FOXO1: variants seen among roughly 807,000 people sequenced by gnomAD.
FOXO1 encodes the protein forkhead box O1.
FOXO1 carries 6 observed loss-of-function variants against 44.1 expected under a neutral mutation model. The observed-to-expected ratio is 0.14, with a 90% CI of 0.07 to 0.27. FOXO1 has a LOEUF of 0.27. FOXO1 is among the 10% of genes least tolerant of loss of function. The pLI, the probability that FOXO1 is intolerant of heterozygous loss-of-function variation, is 1.00. For synonymous variants in FOXO1, 380 were observed against 362.7 expected (o/e 1.05, Z -0.54); for missense variants, 737 against 888.8 (o/e 0.83, Z 2.17).
In FOXO1 at chr13:40,602,721, T is replaced by C. The variant is rs550101528; in HGVS notation, c.631-41861A>G. ...GATGGCATGATTTACAAAACCCTGA[T>C]ACAGCACCTTTCAACACTACCTGCC... On this transcript the variant is annotated intron_variant, in intron 1 of 2. Transcript: ENST00000379561. Among the ~76,000 whole-genome samples the C allele has an allele frequency of 9.2e-5, 14 of 152,326 alleles. 1 individual carries two copies. The highest frequency in any genetic ancestry group is 2.1e-4 in the Non-Finnish European group (14 of 68,018).
At chr13:40,611,989 GT>G (rs1876250147) in intron 1 of FOXO1, among the ~76,000 whole-genome samples, 1 of 152,044 alleles carries the variant, frequency 6.6e-6, no homozygotes, top group Non-Finnish European at 1.5e-5. Context: ...TGGGAGGTTT[GT>G]TTGAGCCCAG....
chr13:40,655,637 C>CT (rs774180443), intron 1 of FOXO1, among the ~76,000 whole-genome samples: 1,341 of 101,268 alleles, frequency 0.013, 25 homozygotes, highest in Non-Finnish European at 0.017. Flanking sequence ...TTCTACACTT[C>CT]TTTTTTTTTT....
intron 1 of FOXO1, among the ~76,000 whole-genome samples, chr13:40,571,190 G>A (rs552844387): frequency 2.1e-4 from 32 of 151,790 alleles, no homozygotes; most frequent in Middle Eastern, 3.4e-3. Flanking sequence ...ATCTGTAGGC[G>A]GAAGGGGAAC....
Position 40,665,919 on chromosome 13 carries a change from G to GGCCGCC in FOXO1, c.288_293dup (p.Ala101_Ala102dup), listed in dbSNP as rs1241395005. 2.3e-5 allele frequency: 28 copies of GGCCGCC among 1,198,778 alleles called. No homozygotes were observed. Among genetic ancestry groups the GGCCGCC allele is most frequent in the African/African-American group, 3.2e-5 (2 of 62,468 alleles). 74.3% of individuals were successfully genotyped at this position (1,198,778 alleles called of 1,614,324 possible). On this transcript the variant is annotated inframe_insertion, in exon 1 of 3. Transcript: ENST00000379561. ...ACAGCCCCCCGGTGGCGGCCGCGGC[G>GGCCGCC]GCCGCCGCCGCCACCGCCGCCGCCA...
At chr13:40,611,944 C>CAT (rs1341801189) in intron 1 of FOXO1, among the ~76,000 whole-genome samples, 2 of 151,982 alleles carry the variant, frequency 1.3e-5, no homozygotes, top group Non-Finnish European at 2.9e-5. Flanking sequence ...TGTGGTGGTG[C>CAT]ATGCCTTTAG....
At chr13:40,621,626 A>G (rs1423235656) in intron 1 of FOXO1, among the ~76,000 whole-genome samples, 2 of 152,212 alleles carry the variant, frequency 1.3e-5, no homozygotes, top group African/African-American at 4.8e-5. Flanking sequence ...TTCTCATGCT[A>G]AGCACTTTTG....
In FOXO1 at chr13:40,654,341, A is replaced by G. The variant is rs1243989287; in HGVS notation, c.630+11242T>C. On this transcript the variant is annotated intron_variant, in intron 1 of 2. Transcript: ENST00000379561. ...AAATACTAAAAAAAAAAAAAAAAAA[A>G]AAAAAAAAAAATTAGCCAGGCGTGG... Among the ~76,000 whole-genome samples the G allele has an allele frequency of 5.1e-4, 74 of 146,252 alleles. 3 individuals carry two copies. Among genetic ancestry groups the G allele is most frequent in the African/African-American group, 1.8e-3 (70 of 39,682 alleles).
chr13:40,648,767 T>A (rs1018032021), intron 1 of FOXO1, among the ~76,000 whole-genome samples: 1 of 152,228 alleles, frequency 6.6e-6, no homozygotes, highest in Non-Finnish European at 1.5e-5. Flanking sequence ...ATACTATTAA[T>A]ATATTTATAG....
intron 1 of FOXO1, among the ~76,000 whole-genome samples, chr13:40,630,246 A>C (rs982699349): frequency 6.6e-6 from 1 of 152,176 alleles, no homozygotes; most frequent in African/African-American, 2.4e-5. Context: ...TTATACAGAA[A>C]ATCTCGGTGT....
At chr13:40,609,434 T>A (rs868144347) in intron 1 of FOXO1, among the ~76,000 whole-genome samples, 4 of 152,172 alleles carry the variant, frequency 2.6e-5, no homozygotes, top group Non-Finnish European at 5.9e-5. Flanking sequence ...GAATTATGCA[T>A]GAGTATTTGT....
intron 1 of FOXO1, among the ~76,000 whole-genome samples, chr13:40,643,712 A>G (rs7317254): frequency 0.41 from 62,703 of 151,862 alleles, 14,174 homozygotes; most frequent in East Asian, 0.73. Flanking sequence ...AATATTCCAT[A>G]TAATCCTAAT....
intron 1 of FOXO1, among the ~76,000 whole-genome samples, chr13:40,660,364 G>C (rs544647127): frequency 1.3e-5 from 2 of 152,170 alleles, no homozygotes; most frequent in African/African-American, 4.8e-5. Context: ...CAAAAAAATG[G>C]CTGGGTAAAT....
chr13:40,594,545 C>T (rs1487666530), intron 1 of FOXO1, among the ~76,000 whole-genome samples: 36 of 152,170 alleles, frequency 2.4e-4, no homozygotes, highest in Admixed American at 1.9e-3. Context: ...AACGTTCAAC[C>T]TGCCACAGTG....
chr13:40,606,692 G>A (rs1876012830), intron 1 of FOXO1, among the ~76,000 whole-genome samples: 1 of 152,084 alleles, frequency 6.6e-6, no homozygotes, highest in Admixed American at 6.6e-5. Flanking sequence ...TGCCAAAAGC[G>A]ACTGAGGAGG....
intron 1 of FOXO1, among the ~76,000 whole-genome samples, chr13:40,662,198 A>G (rs1298136192): frequency 1.5e-5 from 2 of 137,890 alleles, no homozygotes; most frequent in Admixed American, 7.3e-5. Context: ...AAAAAAAAAG[A>G]TATTTATCTT....
At chr13:40,624,317 TAAAAA>T (rs10552634) in intron 1 of FOXO1, among the ~76,000 whole-genome samples, 1 of 100,950 alleles carries the variant, frequency 9.9e-6, no homozygotes, top group African/African-American at 3.4e-5. Flanking sequence ...TAATACTGCT[TAAAAA>T]AAAAAAAAAA....
chr13:40,574,143 C>T (rs1278317947), intron 1 of FOXO1, among the ~76,000 whole-genome samples: 1 of 152,104 alleles, frequency 6.6e-6, no homozygotes, highest in Admixed American at 6.5e-5. Context: ...GCACATGTAT[C>T]CCAGGACTTA....
chr13:40,604,508 G>T (rs907503671), intron 1 of FOXO1, among the ~76,000 whole-genome samples: 1 of 151,750 alleles, frequency 6.6e-6, no homozygotes. Context: ...TATGCATTCA[G>T]CCCAGAATCA....
intron 1 of FOXO1, among the ~76,000 whole-genome samples, chr13:40,606,734 A>G (rs1486511951): frequency 6.6e-6 from 1 of 152,064 alleles, no homozygotes; most frequent in Non-Finnish European, 1.5e-5. Context: ...ACTAGACACT[A>G]CTTGCCAGAT....
Sources: gnomAD v4.1 joint callset for allele counts (sites outside exome capture counted in the v4.1 genomes callset) on GRCh38, gnomAD v4.1.1 for gene constraint, MANE v1.5 for transcripts, NCBI Gene and HGNC (gene_info 2026-07-23, HGNC 2026-07-21) for gene names.